STX8: variants seen among roughly 807,000 people sequenced by gnomAD.
STX8 encodes syntaxin-8.
In STX8, 23 loss-of-function variants were observed where a neutral mutation model predicts 37.5. That is an observed-to-expected ratio of 0.61 (90% CI 0.44 to 0.87). STX8 has a LOEUF of 0.87. Ranked by LOEUF, STX8 falls within the 40% of genes least tolerant of loss-of-function variation. The pLI, the probability that STX8 is intolerant of heterozygous loss-of-function variation, is 0.00. For synonymous variants in STX8, 115 were observed against 99.1 expected (o/e 1.16, Z -0.95); for missense variants, 313 against 284.7 (o/e 1.10, Z -0.71).
At chr17:9,446,469 G>A (rs1342969011) in intron 6 of STX8, among the ~76,000 whole-genome samples, 1 of 152,180 alleles carries the variant, frequency 6.6e-6, no homozygotes, top group East Asian at 1.9e-4. Flanking sequence ...AGTGTGAAGT[G>A]AAAGCTGAAT....
chr17:9,347,291 C>T (rs1283151629), intron 7 of STX8, among the ~76,000 whole-genome samples: 1 of 152,100 alleles, frequency 6.6e-6, no homozygotes, highest in Non-Finnish European at 1.5e-5. Context: ...CTCAGCCTTC[C>T]CAAATTGCCT....
intron 7 of STX8, among the ~76,000 whole-genome samples, chr17:9,285,413 T>TAAAAAA (rs56156370): frequency 4.6e-5 from 5 of 108,444 alleles, no homozygotes; most frequent in African/African-American, 1.9e-4. Flanking sequence ...AAAGTAGTGA[T>TAAAAAA]AAAAAAAAAA....
At chr17:9,298,674 T>C (rs1247098431) in intron 7 of STX8, among the ~76,000 whole-genome samples, 1 of 152,004 alleles carries the variant, frequency 6.6e-6, no homozygotes, top group Non-Finnish European at 1.5e-5. Flanking sequence ...TAGCCGGGTG[T>C]GGTGGCGGAC....
intron 7 of STX8, among the ~76,000 whole-genome samples, chr17:9,299,123 C>T (rs1413380514): frequency 6.6e-6 from 1 of 152,194 alleles, no homozygotes; most frequent in Admixed American, 6.5e-5. Flanking sequence ...CTTGGGTTCA[C>T]ATCTGCTTCT....
intron 7 of STX8, among the ~76,000 whole-genome samples, chr17:9,347,575 G>A (rs892858389): frequency 3.3e-5 from 5 of 152,100 alleles, no homozygotes; most frequent in African/African-American, 4.8e-5. Context: ...GAGTGCAGTG[G>A]CACGACGTCA....
intron 6 of STX8, among the ~76,000 whole-genome samples, chr17:9,394,665 GAAAAGCTCATATTATTTAAA>G: frequency 6.6e-6 from 1 of 151,512 alleles, no homozygotes; most frequent in Middle Eastern, 3.4e-3. Context: ...GCGCCTGGCC[GAAAAGCTCATATTATTTAAA>G]ACCATAACAA....
At chr17:9,574,225 C>A (rs543999463) in intron 1 of STX8, among the ~76,000 whole-genome samples, 1 of 150,330 alleles carries the variant, frequency 6.7e-6, no homozygotes, top group Non-Finnish European at 1.5e-5. Context: ...GAGCCATGAT[C>A]GCGCCATTGC....
chr17:9,554,515 G>A (rs1906891951), intron 3 of STX8: 2 of 152,224 alleles, frequency 1.3e-5, no homozygotes, highest in African/African-American at 4.8e-5. Flanking sequence ...TTGGGAAGAA[G>A]AAGGAGGTTA....
At chr17:9,463,100 C>A (rs1162853902) in intron 6 of STX8, among the ~76,000 whole-genome samples, 1 of 152,172 alleles carries the variant, frequency 6.6e-6, no homozygotes, top group African/African-American at 2.4e-5. Context: ...TAAAAGAATC[C>A]TCATCCCAGA....
At chr17:9,551,002 G>A (rs1906738912) in intron 3 of STX8, among the ~76,000 whole-genome samples, 1 of 152,208 alleles carries the variant, frequency 6.6e-6, no homozygotes, top group South Asian at 2.1e-4. Context: ...TTGAACCTGT[G>A]AGGCGGTGGT....
At chr17:9,539,448 C>T (rs577632526) in intron 4 of STX8, among the ~76,000 whole-genome samples, 1 of 152,212 alleles carries the variant, frequency 6.6e-6, no homozygotes, top group African/African-American at 2.4e-5. Context: ...CTGCCAGTTA[C>T]TAGGGAAATG....
intron 7 of STX8, among the ~76,000 whole-genome samples, chr17:9,326,375 G>A (rs1251774862): frequency 6.6e-6 from 1 of 152,148 alleles, no homozygotes; most frequent in Non-Finnish European, 1.5e-5. Context: ...GCTTGCCTCA[G>A]CCTCCCAAAG....
At chr17:9,574,404 A>G (rs1455355033) in intron 1 of STX8, among the ~76,000 whole-genome samples, 1 of 151,780 alleles carries the variant, frequency 6.6e-6, no homozygotes, top group East Asian at 1.9e-4. Context: ...TAAAAAAATC[A>G]TTAATGGCTA....
At chr17:9,395,939 C>T (rs1567542629) in intron 6 of STX8, among the ~76,000 whole-genome samples, 1 of 152,090 alleles carries the variant, frequency 6.6e-6, no homozygotes, top group African/African-American at 2.4e-5. Context: ...TTTGAGGACA[C>T]AGTGCAAAAA....
chr17:9,463,632 G>A (rs1905484960), intron 6 of STX8, among the ~76,000 whole-genome samples: 1 of 152,118 alleles, frequency 6.6e-6, no homozygotes, highest in South Asian at 2.1e-4. Context: ...TTTAGGCCAG[G>A]CGCAATGGCT....
chr17:9,417,275 T>C (rs1567551155), intron 6 of STX8, among the ~76,000 whole-genome samples: 1 of 152,168 alleles, frequency 6.6e-6, no homozygotes, highest in African/African-American at 2.4e-5. Flanking sequence ...GTTAGATGAT[T>C]ACAGAGTTAG....
intron 2 of STX8, among the ~76,000 whole-genome samples, chr17:9,559,760 A>ATATATATATATATATTTTTTTTTT: frequency 4.1e-5 from 1 of 24,492 alleles, no homozygotes; most frequent in African/African-American, 1.9e-4. Flanking sequence ...ATATATATAT[A>ATATATATATATATATTTTTTTTTT]TTTTTTTTTT....
At chr17:9,477,649 C>T (rs1210635699) in intron 6 of STX8, among the ~76,000 whole-genome samples, 1 of 152,132 alleles carries the variant, frequency 6.6e-6, no homozygotes, top group Admixed American at 6.5e-5. Flanking sequence ...AAATAAAATA[C>T]TGACTACAGA....
chr17:9,483,156 C>G (rs771238202), intron 6 of STX8, among the ~76,000 whole-genome samples: 2 of 152,122 alleles, frequency 1.3e-5, no homozygotes, highest in Admixed American at 6.5e-5. Context: ...AAGTCTGAAA[C>G]CAGTTTCACT....
Sources: allele counts gnomAD v4.1 joint callset (sites outside exome capture counted in the v4.1 genomes callset), GRCh38; gene constraint gnomAD v4.1.1; transcripts MANE v1.5; gene names NCBI Gene and HGNC (gene_info 2026-07-23, HGNC 2026-07-21).